The following PIBF1 variants were observed in gnomAD, a reference collection of about 807,000 sequenced individuals.
PIBF1 encodes the protein progesterone-induced-blocking factor 1.
In PIBF1, 90 loss-of-function variants were observed where a neutral mutation model predicts 112.5. The ratio of observed to expected loss-of-function variants is 0.80; its 90% CI spans 0.67 to 0.95. PIBF1 has a LOEUF of 0.95. Ranked by LOEUF, PIBF1 falls within the 40% of genes least tolerant of loss-of-function variation. The probability of loss-of-function intolerance (pLI) is 0.00; values close to 1 mark genes in which losing one functional copy is unlikely to be tolerated. For missense variants in PIBF1, 915 were observed against 852.3 expected (o/e 1.07, Z -0.92); for synonymous variants, 301 against 288.6 (o/e 1.04, Z -0.44).
intron 8 of PIBF1, among the ~76,000 whole-genome samples, chr13:72,833,761 G>A (rs894235285): frequency 6.6e-6 from 1 of 152,292 alleles, no homozygotes; most frequent in East Asian, 1.9e-4. Context: ...CTGACCCTTA[G>A]CAGAGTTCAA....
At chr13:72,900,066 A>G (rs2040426498) in intron 11 of PIBF1, among the ~76,000 whole-genome samples, 1 of 152,184 alleles carries the variant, frequency 6.6e-6, no homozygotes, top group Admixed American at 6.5e-5. Context: ...AGACCTTTAC[A>G]AGGAAAACTA....
chr13:72,854,214 T>A (rs535924701), intron 10 of PIBF1, 59 bp downstream of exon 10: 1 of 1,094,068 alleles, frequency 9.1e-7, no homozygotes, highest in East Asian at 2.4e-5. Flanking sequence ...TGTTACATAT[T>A]CTTTTAGAAA....
At chr13:72,827,220 T>C (rs1160236724) in intron 7 of PIBF1, 102 bp downstream of exon 7, 1 of 460,964 alleles carries the variant, frequency 2.2e-6, no homozygotes, top group African/African-American at 2.1e-5. Flanking sequence ...TGTTATGTAG[T>C]TCCTCCCAAA....
Position 72,821,941 on chromosome 13 carries a change from G to T in PIBF1, c.765G>T (p.Gln255His), listed in dbSNP as rs750572320. 6.2e-7 allele frequency: 1 copy of T among 1,612,614 alleles called. No homozygotes were observed. The highest frequency in any genetic ancestry group is 8.5e-7 in the Non-Finnish European group (1 of 1,179,194). Residue 255 changes from glutamine (Q) to histidine (H), a missense_variant, in exon 6 of 18, where the codon CAG (glutamine) becomes CAT (histidine). Physicochemically the swap from Gln to His is conservative, Grantham distance 24. Transcript: ENST00000326291. ...TAGCAGACACAAAACAGTTAATTCA[G>T]CAAGGTGACTACCGTCAAGAGAACT... ...LELADTKQLI[Q>H]QGDYRQENYD...
rs546913843 is a variant in PIBF1, at chr13:72,960,531, T to C, written c.1834-4743T>C. Among the ~76,000 whole-genome samples the C allele has an allele frequency of 1.2e-3, 177 of 152,360 alleles. 2 individuals carry two copies. Among genetic ancestry groups the C allele is most frequent in the African/African-American group, 3.9e-3 (163 of 41,590 alleles). ...AAAATAATTGAGACTGCTGCTGTTA[T>C]GTTTTGTGCAATTGAAATTAGATTT... On this transcript the variant is annotated intron_variant, in intron 14 of 17. Transcript: ENST00000326291.
intron 13 of PIBF1, among the ~76,000 whole-genome samples, chr13:72,922,274 AG>A (rs1383307262): frequency 6.6e-6 from 1 of 152,142 alleles, no homozygotes; most frequent in Non-Finnish European, 1.5e-5. Flanking sequence ...CACCACACCC[AG>A]CCTATTTTTT....
At chr13:72,995,499 T>G (rs1264278863) in intron 16 of PIBF1, among the ~76,000 whole-genome samples, 1 of 151,882 alleles carries the variant, frequency 6.6e-6, no homozygotes, top group Non-Finnish European at 1.5e-5. Context: ...CTTACAGCAG[T>G]TTAGTACATT....
intron 13 of PIBF1, among the ~76,000 whole-genome samples, chr13:72,930,561 G>A (rs1051073387): frequency 6.6e-6 from 1 of 152,042 alleles, no homozygotes; most frequent in African/African-American, 2.4e-5. Flanking sequence ...AATACTAAAG[G>A]TCAGTGCAAT....
intron 6 of PIBF1, among the ~76,000 whole-genome samples, chr13:72,825,306 A>G (rs150592590): frequency 1.3e-5 from 2 of 152,352 alleles, no homozygotes; most frequent in African/African-American, 4.8e-5. Flanking sequence ...TGATTATATA[A>G]GAGACTATCT....
At chr13:72,803,138 T>G (rs1461063928) in intron 5 of PIBF1, among the ~76,000 whole-genome samples, 2 of 152,064 alleles carry the variant, frequency 1.3e-5, no homozygotes, top group African/African-American at 4.8e-5. Flanking sequence ...AAACTGGACA[T>G]AGAGTATAGA....
At position 72,835,191 on chromosome 13, in the gene PIBF1, G is replaced by A. The variant is rs200403813; in HGVS notation, c.1098-52G>A. 3.1e-4 allele frequency: 430 copies of A among 1,409,652 alleles called. 2 individuals are homozygous for A. The African/African-American group carries it at 5.8e-3, about 19-fold the overall frequency. The allele number at this position is 1,409,652 out of a possible 1,614,324, so 87.3% of individuals were successfully genotyped here. A position where few individuals can be genotyped will look rare whatever the true frequency, so the allele number is the denominator to read the frequency against. ...TTAAAATCTTACGTACAGTGCAAAA[G>A]CCTATTTGTTTCAAAAGAAAATTTA... On this transcript the variant is annotated intron_variant, in intron 8 of 17. Transcript: ENST00000326291.
intron 14 of PIBF1, among the ~76,000 whole-genome samples, chr13:72,957,444 A>G (rs972515517): frequency 6.6e-6 from 1 of 152,214 alleles, no homozygotes; most frequent in Non-Finnish European, 1.5e-5. Context: ...GCTCTCACTT[A>G]CAAGTCACAG....
At chr13:72,981,746 G>A (rs1471349683) in intron 16 of PIBF1, among the ~76,000 whole-genome samples, 1 of 152,178 alleles carries the variant, frequency 6.6e-6, no homozygotes, top group Non-Finnish European at 1.5e-5. Context: ...CACCCCAGGT[G>A]TAAACATAGA....
At chr13:72,942,384 A>G (rs1434035072) in intron 14 of PIBF1, among the ~76,000 whole-genome samples, 1 of 151,982 alleles carries the variant, frequency 6.6e-6, no homozygotes, top group Non-Finnish European at 1.5e-5. Context: ...CATTTTAGAC[A>G]TACTTTCTTT....
chr13:72,812,530 G>A (rs1386622249), intron 5 of PIBF1, among the ~76,000 whole-genome samples: 2 of 152,038 alleles, frequency 1.3e-5, no homozygotes, highest in Admixed American at 6.6e-5. Context: ...TCAGGAGTTC[G>A]AGACCACCCT....
intron 10 of PIBF1, among the ~76,000 whole-genome samples, chr13:72,876,233 A>G (rs2138462585): frequency 7.9e-6 from 1 of 127,186 alleles, no homozygotes; most frequent in African/African-American, 3.0e-5. Context: ...TCTTTTTGTC[A>G]AACATCAGTT....
At chr13:72,934,283 ATTCT>A (rs1211467478) in intron 14 of PIBF1, among the ~76,000 whole-genome samples, 2 of 151,920 alleles carry the variant, frequency 1.3e-5, no homozygotes, top group Non-Finnish European at 2.9e-5. Flanking sequence ...CAGGATCTTT[ATTCT>A]TTATTTTATT....
chr13:72,968,737 A>G (rs1053018662), intron 15 of PIBF1, among the ~76,000 whole-genome samples: 3 of 151,968 alleles, frequency 2.0e-5, no homozygotes, highest in Non-Finnish European at 2.9e-5. Flanking sequence ...CTAGTGGCCA[A>G]TGGCTGTGGT....
chr13:72,835,591 T>A (rs1267408351), intron 9 of PIBF1, among the ~76,000 whole-genome samples: 2 of 10,410 alleles, frequency 1.9e-4, no homozygotes, highest in Non-Finnish European at 3.2e-4. Context: ...CTGTTATGTC[T>A]TTTTTTTTTA....
Sources: gnomAD v4.1 joint callset for allele counts (sites outside exome capture counted in the v4.1 genomes callset) on GRCh38, gnomAD v4.1.1 for gene constraint, MANE v1.5 for transcripts, NCBI Gene and HGNC (gene_info 2026-07-23, HGNC 2026-07-21) for gene names.